Variants in ADAMTSL3 observed in about 807,000 individuals in gnomAD.
The protein encoded by ADAMTSL3 is ADAMTS like 3.
A neutral mutation model predicts 201.7 loss-of-function variants in ADAMTSL3; 128 were observed. That is an observed-to-expected ratio of 0.63 (90% confidence interval 0.55 to 0.73). The LOEUF (loss-of-function observed/expected upper bound fraction) is 0.73, where lower values mean the gene tolerates loss of function less well. ADAMTSL3 is among the 30% of genes least tolerant of loss of function. ADAMTSL3 has a pLI of 0.00. For synonymous variants in ADAMTSL3, 738 were observed against 748.4 expected (o/e 0.99, Z 0.23); for missense variants, 1,990 against 2,119.6 (o/e 0.94, Z 1.20).
intron 3 of ADAMTSL3, among the ~76,000 whole-genome samples, chr15:83,766,780 G>A (rs1290924894): frequency 6.6e-6 from 1 of 152,164 alleles, no homozygotes; most frequent in Non-Finnish European, 1.5e-5. Context: ...AATTATACAC[G>A]TTCATTGTAT....
At chr15:83,770,663 A>G (rs1319034741) in intron 3 of ADAMTSL3, among the ~76,000 whole-genome samples, 2 of 152,202 alleles carry the variant, frequency 1.3e-5, no homozygotes, top group African/African-American at 2.4e-5. Context: ...AGATTAATCT[A>G]TTAATCTATA....
intron 17 of ADAMTSL3, among the ~76,000 whole-genome samples, chr15:83,934,845 C>T (rs1163744376): frequency 6.6e-6 from 1 of 152,086 alleles, no homozygotes; most frequent in Non-Finnish European, 1.5e-5. Context: ...TATATGTACA[C>T]AATGGAATAC....
intron 17 of ADAMTSL3, among the ~76,000 whole-genome samples, chr15:83,927,363 C>T (rs922670780): frequency 2.6e-5 from 4 of 152,226 alleles, no homozygotes; most frequent in African/African-American, 9.6e-5. Context: ...ATCCGCCCAC[C>T]TCAGCCTCCC....
At chr15:83,768,514 TA>T (rs2062926984) in intron 3 of ADAMTSL3, among the ~76,000 whole-genome samples, 1 of 152,160 alleles carries the variant, frequency 6.6e-6, no homozygotes, top group South Asian at 2.1e-4. Flanking sequence ...TTTTAAGACT[TA>T]AAATGTGCAA....
intron 5 of ADAMTSL3, among the ~76,000 whole-genome samples, chr15:83,809,901 C>G (rs2063665157): frequency 6.6e-6 from 1 of 152,030 alleles, no homozygotes; most frequent in South Asian, 2.1e-4. Context: ...TGTGAGACAT[C>G]AGTCCTGGGT....
intron 3 of ADAMTSL3, among the ~76,000 whole-genome samples, chr15:83,769,211 A>G (rs1036600033): frequency 6.6e-6 from 1 of 151,938 alleles, no homozygotes; most frequent in Admixed American, 6.6e-5. Context: ...TATTGCAAAA[A>G]CTCTCAACTT....
At chr15:83,658,706 G>A (rs1322516957) in intron 2 of ADAMTSL3, among the ~76,000 whole-genome samples, 1 of 152,152 alleles carries the variant, frequency 6.6e-6, no homozygotes, top group Non-Finnish European at 1.5e-5. Context: ...TTCCAGCCTG[G>A]AGTATTTGAA....
At chr15:83,840,164 A>G (rs912221071) in intron 7 of ADAMTSL3, among the ~76,000 whole-genome samples, 3 of 152,218 alleles carry the variant, frequency 2.0e-5, no homozygotes, top group Non-Finnish European at 2.9e-5. Context: ...AGGGAATCCA[A>G]CCGAGAAGGA....
intron 4 of ADAMTSL3, among the ~76,000 whole-genome samples, chr15:83,776,345 T>G (rs7175914): frequency 0.51 from 77,912 of 152,098 alleles, 21,647 homozygotes; most frequent in African/African-American, 0.71. Context: ...TGAATTAAAC[T>G]AACACATATC....
intron 16 of ADAMTSL3, 34 bp from the exon 17 acceptor site, chr15:83,923,870 G>A: frequency 6.2e-7 from 1 of 1,611,446 alleles, no homozygotes; most frequent in Non-Finnish European, 8.5e-7. Context: ...ATTATTCCAT[G>A]TCATTTGCAT....
At chr15:83,985,954 T>G (rs2067467134) in intron 21 of ADAMTSL3, among the ~76,000 whole-genome samples, 1 of 151,976 alleles carries the variant, frequency 6.6e-6, no homozygotes, top group Non-Finnish European at 1.5e-5. Context: ...TAAGGGAAAC[T>G]GGCATTTTTT....
intron 23 of ADAMTSL3, among the ~76,000 whole-genome samples, chr15:84,003,374 C>T (rs1217417883): frequency 6.6e-6 from 1 of 152,152 alleles, no homozygotes; most frequent in African/African-American, 2.4e-5. Context: ...CACTAAACAC[C>T]TGTACAATCC....
At chr15:83,957,141 G>A (rs1430985951) in intron 19 of ADAMTSL3, among the ~76,000 whole-genome samples, 2 of 152,170 alleles carry the variant, frequency 1.3e-5, no homozygotes, top group Non-Finnish European at 2.9e-5. Context: ...CTTAAGAGAT[G>A]AGTGCAAACT....
chr15:83,764,611 G>T (rs1404831232), intron 3 of ADAMTSL3, among the ~76,000 whole-genome samples: 1 of 152,016 alleles, frequency 6.6e-6, no homozygotes, highest in East Asian at 1.9e-4. Flanking sequence ...AGGCAGCCCT[G>T]TATACACAGC....
chr15:83,869,934 C>T (rs182555940), intron 8 of ADAMTSL3, among the ~76,000 whole-genome samples: 78 of 152,190 alleles, frequency 5.1e-4, no homozygotes, highest in Non-Finnish European at 9.7e-4. Flanking sequence ...GCTGTATATA[C>T]ATTTTTTGTT....
intron 2 of ADAMTSL3, among the ~76,000 whole-genome samples, chr15:83,700,579 C>T (rs1264702643): frequency 2.0e-5 from 3 of 152,154 alleles, no homozygotes; most frequent in Non-Finnish European, 4.4e-5. Context: ...GCCTGGCCAA[C>T]ATGGTGAAAC....
intron 15 of ADAMTSL3, 24 bp downstream of exon 15, chr15:83,899,755 A>T: frequency 6.2e-7 from 1 of 1,603,510 alleles, no homozygotes. Context: ...CTTTTGTAGG[A>T]ATAATCAGGG....
At chr15:83,658,521 T>C (rs1366571940) in intron 2 of ADAMTSL3, among the ~76,000 whole-genome samples, 1 of 152,242 alleles carries the variant, frequency 6.6e-6, no homozygotes, top group East Asian at 1.9e-4. Context: ...TTCCTTGTTT[T>C]TGTAACTCGT....
chr15:83,675,536 G>T (rs1053543197), intron 2 of ADAMTSL3, among the ~76,000 whole-genome samples: 7 of 147,688 alleles, frequency 4.7e-5, no homozygotes, highest in Admixed American at 1.3e-4. Flanking sequence ...CTAATATTTT[G>T]TTGAGAATTT....
Sources: gnomAD v4.1 joint callset for allele counts (sites outside exome capture counted in the v4.1 genomes callset) on GRCh38, gnomAD v4.1.1 for gene constraint, MANE v1.5 for transcripts, NCBI Gene and HGNC (gene_info 2026-07-23, HGNC 2026-07-21) for gene names.